The following AGBL3 variants were observed in gnomAD, a reference collection of about 807,000 sequenced individuals.
AGBL3 encodes cytosolic carboxypeptidase 3.
In AGBL3, 68 loss-of-function variants were observed where a neutral mutation model predicts 94.5. The ratio of observed to expected loss-of-function variants is 0.72; its 90% CI spans 0.59 to 0.88. The LOEUF (loss-of-function observed/expected upper bound fraction) is 0.88, where lower values mean the gene tolerates loss of function less well. AGBL3 is among the 40% of genes least tolerant of loss of function. AGBL3 has a pLI of 0.00. For synonymous variants in AGBL3, 354 were observed against 370.7 expected, an observed-to-expected ratio of 0.95 and a Z score of 0.52; for missense variants, 934 against 1,103.8, an observed-to-expected ratio of 0.85 and a Z score of 2.18.
At chr7:135,099,616 C>T (rs1392550249) in intron 15 of AGBL3, among the ~76,000 whole-genome samples, 1 of 152,142 alleles carries the variant, frequency 6.6e-6, no homozygotes, top group Non-Finnish European at 1.5e-5. Context: ...GACTACCTTA[C>T]ACCTTTTCCT....
intron 16 of AGBL3, among the ~76,000 whole-genome samples, chr7:135,132,236 A>G (rs1240968313): frequency 6.6e-6 from 1 of 152,354 alleles, no homozygotes; most frequent in East Asian, 1.9e-4. Flanking sequence ...AAGATTTTGC[A>G]TAAATATAGA....
chr7:135,024,476 C>A (rs536806681), intron 5 of AGBL3, among the ~76,000 whole-genome samples: 2 of 152,308 alleles, frequency 1.3e-5, no homozygotes, highest in African/African-American at 4.8e-5. Flanking sequence ...TCTGAAAACA[C>A]CCAGAAATGA....
At chr7:135,063,295 C>CA (rs1194751027) in intron 12 of AGBL3, among the ~76,000 whole-genome samples, 1 of 151,688 alleles carries the variant, frequency 6.6e-6, no homozygotes, top group Non-Finnish European at 1.5e-5. Context: ...TTTTTAAAAA[C>CA]AAAAAACCAT....
chr7:135,125,084 A>T (rs1443527803), intron 16 of AGBL3, among the ~76,000 whole-genome samples: 1 of 151,982 alleles, frequency 6.6e-6, no homozygotes, highest in Non-Finnish European at 1.5e-5. Context: ...GACACAAAAA[A>T]CTCCCCCAAA....
chr7:135,091,287 A>T (rs1459709809), intron 15 of AGBL3, among the ~76,000 whole-genome samples: 1 of 152,144 alleles, frequency 6.6e-6, no homozygotes, highest in Non-Finnish European at 1.5e-5. Flanking sequence ...TCATTAAAAC[A>T]TATAGTTGCC....
chr7:135,010,938 C>T (rs1813071735), intron 4 of AGBL3: 1 of 152,110 alleles, frequency 6.6e-6, no homozygotes, highest in African/African-American at 2.4e-5. Flanking sequence ...GTCAAAATCC[C>T]AATTGTGATT....
intron 12 of AGBL3, among the ~76,000 whole-genome samples, chr7:135,075,996 A>C (rs1820410389): frequency 6.6e-6 from 1 of 152,166 alleles, no homozygotes; most frequent in African/African-American, 2.4e-5. Context: ...AGAACAGTTA[A>C]CTATCTAAAA....
chr7:135,049,870 G>A (rs1277074628), intron 11 of AGBL3, among the ~76,000 whole-genome samples: 1 of 151,570 alleles, frequency 6.6e-6, no homozygotes, highest in Non-Finnish European at 1.5e-5. Flanking sequence ...TAGTTTCACT[G>A]ATTTTTTTCT....
chr7:135,004,532 T>C (rs1812139047), intron 4 of AGBL3, among the ~76,000 whole-genome samples: 1 of 151,704 alleles, frequency 6.6e-6, no homozygotes, highest in Non-Finnish European at 1.5e-5. Flanking sequence ...ATTTTGTTAC[T>C]GTTTTAGAGA....
intron 5 of AGBL3, among the ~76,000 whole-genome samples, chr7:135,023,123 C>CGGAA (rs1814694267): frequency 6.6e-6 from 1 of 152,076 alleles, no homozygotes; most frequent in African/African-American, 2.4e-5. Context: ...TTCTCAATTC[C>CGGAA]TGCTTCCCTT....
intron 11 of AGBL3, among the ~76,000 whole-genome samples, chr7:135,046,342 C>G (rs1042911852): frequency 5.3e-5 from 8 of 152,124 alleles, no homozygotes; most frequent in Admixed American, 4.6e-4. Flanking sequence ...ATCCAAAGTC[C>G]ATTGGATATA....
chr7:135,020,544 C>T (rs760852532), intron 5 of AGBL3, among the ~76,000 whole-genome samples: 15 of 152,170 alleles, frequency 9.9e-5, no homozygotes, highest in Non-Finnish European at 1.2e-4. Context: ...TTTGACCCAG[C>T]GATCCCGTTA....
At chr7:134,995,022 TAA>T (rs1810825024) in intron 4 of AGBL3, among the ~76,000 whole-genome samples, 1 of 152,004 alleles carries the variant, frequency 6.6e-6, no homozygotes. Context: ...GGTCAGGAAA[TAA>T]AAAAGTCCAA....
At chr7:135,100,643 A>G (rs1165625257) in intron 15 of AGBL3, among the ~76,000 whole-genome samples, 1 of 152,258 alleles carries the variant, frequency 6.6e-6, no homozygotes, top group Non-Finnish European at 1.5e-5. Flanking sequence ...TTTAGGTAAG[A>G]GACCAACATG....
chr7:135,047,110 A>C (rs1469884946), intron 11 of AGBL3, among the ~76,000 whole-genome samples: 2 of 151,998 alleles, frequency 1.3e-5, no homozygotes, highest in Non-Finnish European at 2.9e-5. Context: ...TTATTTTATG[A>C]ATTTGACATT....
At chr7:135,074,273 G>C (rs1273799857) in intron 12 of AGBL3, among the ~76,000 whole-genome samples, 1 of 152,178 alleles carries the variant, frequency 6.6e-6, no homozygotes, top group Non-Finnish European at 1.5e-5. Context: ...GTTTAGACAT[G>C]TGTCAACCCA....
intron 11 of AGBL3, among the ~76,000 whole-genome samples, chr7:135,052,434 C>G (rs1439408479): frequency 6.6e-6 from 1 of 151,996 alleles, no homozygotes; most frequent in Non-Finnish European, 1.5e-5. Flanking sequence ...CACTTTTTTT[C>G]CATAGATTCG....
chr7:135,009,960 G>A (rs925157200), intron 4 of AGBL3: 2 of 422,920 alleles, frequency 4.7e-6, no homozygotes, highest in Admixed American at 5.5e-5. Flanking sequence ...ATGGTGGGTT[G>A]GCGAAAAGTC....
intron 15 of AGBL3, among the ~76,000 whole-genome samples, chr7:135,104,181 T>C (rs1302897395): frequency 1.3e-5 from 2 of 152,182 alleles, no homozygotes; most frequent in Non-Finnish European, 2.9e-5. Flanking sequence ...GGTTTTCTGT[T>C]CCTGTGCTAG....
Sources: allele counts gnomAD v4.1 joint callset (sites outside exome capture counted in the v4.1 genomes callset), GRCh38; gene constraint gnomAD v4.1.1; transcripts MANE v1.5; gene names NCBI Gene and HGNC (gene_info 2026-07-23, HGNC 2026-07-21).